LRRK2: variants seen among roughly 807,000 people sequenced by gnomAD.
LRRK2 encodes the protein leucine-rich repeat serine/threonine-protein kinase 2.
In LRRK2, 203 loss-of-function variants were observed where a neutral mutation model predicts 302.6. The ratio of observed to expected loss-of-function variants is 0.67; its 90% confidence interval spans 0.60 to 0.75. The LOEUF is 0.75. Among genes scored for constraint, LRRK2 ranks in the 30% least tolerant of loss-of-function variants. The pLI is 0.00. For missense variants in LRRK2, 2,830 were observed against 2,951.0 expected (o/e 0.96, Z 0.95); for synonymous variants, 1,066 against 1,031.9 (o/e 1.03, Z -0.63).
chr12:40,321,957 A>G (rs1458179796), intron 35 of LRRK2, 78 bp from the exon 36 acceptor site: 18 of 1,403,250 alleles, frequency 1.3e-5, no homozygotes, highest in East Asian at 2.3e-5. Context: ...TCTGTATTAC[A>G]ATCACTTGTG....
At chr12:40,243,513 G>A in intron 6 of LRRK2, 37 bp from the exon 7 acceptor site, 1 of 1,605,984 alleles carries the variant, frequency 6.2e-7, no homozygotes, top group South Asian at 1.1e-5. Context: ...GGAGAACATG[G>A]TTACCTTATT....
chr12:40,291,925 T>C (rs938922490), intron 20 of LRRK2, among the ~76,000 whole-genome samples: 3 of 152,110 alleles, frequency 2.0e-5, no homozygotes, highest in Non-Finnish European at 4.4e-5. Flanking sequence ...GGACTATATA[T>C]AAAAATAATT....
chr12:40,305,851 A>G lies in LRRK2; in HGVS notation c.3844A>G (p.Arg1282Gly). The G allele has an allele frequency of 6.2e-7, 1 of 1,613,762 alleles. No individual in the cohort carries two copies. Among genetic ancestry groups the G allele is most frequent in the Non-Finnish European group, 8.5e-7 (1 of 1,179,784 alleles). The part of the protein sequence containing the change: ...SLDVSYNLEL[R>G]SFPNEMGKLS... ...GGATGTCAGTTACAACTTGGAACTA[A>G]GATCCTTTCCCAATGAAATGGGGAA... Residue 1282 changes from arginine (R) to glycine (G), a missense_variant, in exon 28 of 51, where the codon AGA becomes GGA. Arg to Gly is a moderately radical substitution (Grantham distance 125). This residue lies in a region of LRRK2 where 2,121 missense variants were observed against 2,148.0 expected (regional missense o/e 0.99). Transcript: ENST00000298910.
chr12:40,356,305 G>A (rs1946537506), intron 46 of LRRK2, 118 bp downstream of exon 46: 2 of 698,272 alleles, frequency 2.9e-6, no homozygotes, highest in South Asian at 1.9e-5. Flanking sequence ...AAATTATGCT[G>A]TATTTGTATT....
chr12:40,324,682 A>T (rs181303457), intron 38 of LRRK2, among the ~76,000 whole-genome samples: 4 of 152,274 alleles, frequency 2.6e-5, no homozygotes, highest in Admixed American at 2.6e-4. Context: ...AGCTAAATAA[A>T]CTCCTTTATA....
intron 39 of LRRK2, among the ~76,000 whole-genome samples, chr12:40,333,830 A>C (rs1454110321): frequency 2.0e-5 from 3 of 152,094 alleles, no homozygotes; most frequent in African/African-American, 7.2e-5. Context: ...TTCTAGGGAA[A>C]GGGGTCAGCA....
Position 40,368,860 on chromosome 12 carries a change from C to T in LRRK2, c.*1095C>T, listed in dbSNP as rs1204413722. 6.6e-6 allele frequency: 1 copy of T among 151,774 alleles called. No homozygotes were observed. Among genetic ancestry groups the T allele is most frequent in the Non-Finnish European group, 1.5e-5 (1 of 67,756 alleles). 9.4% of individuals were successfully genotyped at this position (151,774 alleles called of 1,614,324 possible). ...CTTAAATTGTTTACATAGCTTACCA[C>T]AATAGGAGTATCAGGGCCAAATACC... On this transcript the variant is annotated 3_prime_UTR_variant, in exon 51 of 51. Transcript: ENST00000298910.
Position 40,240,607 on chromosome 12 carries a change from A to G in LRRK2, c.696A>G (p.Leu232=). 6.2e-7 allele frequency: 1 copy of G among 1,613,222 alleles called. No homozygotes were observed. Among genetic ancestry groups the G allele is most frequent in the South Asian group, 1.1e-5 (1 of 91,030 alleles). The change falls in exon 6 of 51, where the codon CTA becomes CTG. Residue 232 remains leucine, a synonymous_variant. Transcript: ENST00000298910. ...VLHVLHCLHS[L]AIPCNNVEVL... ...ATGTGCTGCATTGTTTACATTCCCT[A>G]GCGATTCCTTGTAAGTAGCATTTAA... is the stretch of plus-strand genomic sequence containing the variant.
chr12:40,273,672 G>A (rs775790864), intron 14 of LRRK2, among the ~76,000 whole-genome samples: 13 of 152,114 alleles, frequency 8.5e-5, no homozygotes, highest in Admixed American at 2.0e-4. Context: ...ACTAGTGTCT[G>A]CAAAACATCA....
At chr12:40,340,602 G>A in intron 41 of LRRK2, 148 bp downstream of exon 41, 1 of 837,992 alleles carries the variant, frequency 1.2e-6, no homozygotes, top group Non-Finnish European at 2.0e-6. Flanking sequence ...GCATCACATT[G>A]TGATTTTTAT....
Position 40,298,236 on chromosome 12 carries a change from T to C in LRRK2, c.3097-7T>C. The C allele has an allele frequency of 6.2e-7, 1 of 1,612,782 alleles. No individual in the cohort carries two copies. Among genetic ancestry groups the C allele is most frequent in the Non-Finnish European group, 8.5e-7 (1 of 1,179,758 alleles). On this transcript the variant is annotated splice_region_variant and splice_polypyrimidine_tract_variant and intron_variant, in intron 23 of 50. Coordinates refer to ENST00000298910, the MANE Select transcript of LRRK2 (RefSeq NM_198578.4). ...CACTTTAGAATTTTAAACTATTGTC[T>C]TTTCAGACTCTGAAGAGTTTGACAC...
chr12:40,259,396 C>T, intron 12 of LRRK2, 84 bp from the exon 13 acceptor site: 2 of 1,535,400 alleles, frequency 1.3e-6, no homozygotes, highest in Non-Finnish European at 1.8e-6. Flanking sequence ...ATTGGTTCTG[C>T]CCTCCTGTAC....
At chr12:40,320,800 A>G (rs1286186453) in intron 34 of LRRK2, among the ~76,000 whole-genome samples, 7 of 152,022 alleles carry the variant, frequency 4.6e-5, no homozygotes, top group Non-Finnish European at 1.0e-4. Flanking sequence ...TTTATGTATT[A>G]GTGCACAGGG....
chr12:40,357,508 G>T (rs1303723114), intron 46 of LRRK2, among the ~76,000 whole-genome samples: 1 of 152,046 alleles, frequency 6.6e-6, no homozygotes, highest in Non-Finnish European at 1.5e-5. Context: ...ATTTTTTTGA[G>T]AAATCACCAT....
rs1231642386 is a variant in LRRK2 at position 40,284,177 on chromosome 12, A to G, written c.2500+44A>G. The G allele has an allele frequency of 5.2e-6, 8 of 1,539,128 alleles. No individual in the cohort carries two copies. The East Asian group carries it at 9.4e-5, about 18-fold the overall frequency. On this transcript the variant is annotated intron_variant, in intron 19 of 50. Transcript: ENST00000298910. ...ATTTTTTACAATTCTTATTTTTAAT[A>G]GTATTTTTTTAAGTCACTAGTCTTT...
In LRRK2 at chr12:40,294,903, A is replaced by G. The variant is rs758646834; in HGVS notation, c.2867A>G (p.Asp956Gly). 1.3e-6 allele frequency: 2 copies of G among 1,536,006 alleles called. No individual in the cohort carries two copies. Among genetic ancestry groups the G allele is most frequent in the Non-Finnish European group, 1.8e-6 (2 of 1,113,460 alleles). ...CGAAAAAGAAAAATATTATCTTCAG[A>G]TGATTCACTCAGTAAGTATTTGGAT... The part of the protein sequence containing the change: ...LKRKRKILSS[D>G]DSLRSSKLQS... The change falls in exon 22 of 51, where the codon GAT (aspartate) becomes GGT (glycine). Residue 956 changes from aspartate to glycine, a missense_variant. Transcript: ENST00000298910.
chr12:40,264,915 G>T (rs1942944053), intron 14 of LRRK2, among the ~76,000 whole-genome samples: 1 of 152,176 alleles, frequency 6.6e-6, no homozygotes, highest in African/African-American at 2.4e-5. Flanking sequence ...TATTAAAGAT[G>T]TTAAGAATAA....
intron 32 of LRRK2, 76 bp downstream of exon 32, chr12:40,314,249 AT>A (rs1592275660): frequency 7.0e-7 from 1 of 1,419,036 alleles, no homozygotes. Context: ...CTTTTATAGA[AT>A]TTACATTCAA....
intron 18 of LRRK2, among the ~76,000 whole-genome samples, chr12:40,280,621 T>TTAAAATAAAATAAAA (rs57373855): frequency 0.024 from 3,181 of 132,482 alleles, 69 homozygotes; most frequent in African/African-American, 0.043. Flanking sequence ...CCAGACCCTG[T>TTAAAATAAAATAAAA]TAAAATAAAA....
Sources: allele counts gnomAD v4.1 joint callset (sites outside exome capture counted in the v4.1 genomes callset), GRCh38; gene constraint gnomAD v4.1.1; regional missense constraint gnomAD v4.1.1; transcripts MANE v1.5; gene names NCBI Gene and HGNC (gene_info 2026-07-23, HGNC 2026-07-21).